Variants in POT1 observed in about 807,000 individuals in gnomAD.
POT1 encodes protection of telomeres protein 1.
In POT1, 47 loss-of-function variants were observed where a neutral mutation model predicts 78.5. That is an observed-to-expected ratio of 0.60 (90% CI 0.47 to 0.76). The LOEUF (loss-of-function observed/expected upper bound fraction) is 0.76. Ranked by LOEUF, POT1 falls within the 30% of genes least tolerant of loss-of-function variation. The pLI, the probability that POT1 is intolerant of heterozygous loss-of-function variation, is 0.00. For synonymous variants in POT1, 259 were observed against 260.7 expected (o/e 0.99, Z 0.06); for missense variants, 646 against 749.9 (o/e 0.86, Z 1.62).
At chr7:124,867,156 A>G (rs1001011873) in intron 7 of POT1, among the ~76,000 whole-genome samples, 2 of 152,166 alleles carry the variant, frequency 1.3e-5, no homozygotes, top group Non-Finnish European at 2.9e-5. Context: ...GAGATTCAAA[A>G]TATACCTTAA....
At chr7:124,902,411 T>C (rs2116658643) in intron 3 of POT1, among the ~76,000 whole-genome samples, 1 of 152,306 alleles carries the variant, frequency 6.6e-6, no homozygotes. Flanking sequence ...CAGAATTTCA[T>C]ATCCAGCCAA....
chr7:124,892,202 A>T, intron 6 of POT1, 64 bp downstream of exon 6: 1 of 992,272 alleles, frequency 1.0e-6, no homozygotes, highest in Non-Finnish European at 1.5e-6. Context: ...GTACAGATGG[A>T]ACCGTGTTCC....
chr7:124,905,956 T>C (rs1796755339), intron 3 of POT1, among the ~76,000 whole-genome samples: 1 of 152,102 alleles, frequency 6.6e-6, no homozygotes, highest in African/African-American at 2.4e-5. Flanking sequence ...TCACACCAGT[T>C]AGAATGGCAA....
intron 16 of POT1, among the ~76,000 whole-genome samples, chr7:124,828,643 CAA>C (rs1438283034): frequency 6.6e-6 from 1 of 151,752 alleles, no homozygotes; most frequent in Non-Finnish European, 1.5e-5. Flanking sequence ...ACCATAAAAA[CAA>C]AGATATTACA....
chr7:124,835,470 C>T (rs1387593654), intron 14 of POT1, 56 bp from the exon 15 acceptor site: 9 of 1,557,698 alleles, frequency 5.8e-6, no homozygotes, highest in Admixed American at 1.7e-5. Context: ...TAGACAAGTA[C>T]AGTCCTATTA....
At chr7:124,887,546 A>G (rs1796276346) in intron 6 of POT1, among the ~76,000 whole-genome samples, 1 of 152,132 alleles carries the variant, frequency 6.6e-6, no homozygotes, top group Non-Finnish European at 1.5e-5. Flanking sequence ...TTATTTTAAA[A>G]ATGGTTTTGT....
At chr7:124,870,544 T>C (rs1252179341) in intron 7 of POT1, among the ~76,000 whole-genome samples, 2 of 152,138 alleles carry the variant, frequency 1.3e-5, no homozygotes, top group Non-Finnish European at 2.9e-5. Context: ...AATCTTTGTA[T>C]ACATTTTTTC....
chr7:124,893,213 A>AT (rs1796414045), intron 5 of POT1, among the ~76,000 whole-genome samples: 1 of 151,290 alleles, frequency 6.6e-6, no homozygotes, highest in South Asian at 2.1e-4. Flanking sequence ...TTTTGGTTCT[A>AT]TTTTTTAACT....
chr7:124,913,258 A>G (rs1460500664), intron 3 of POT1, among the ~76,000 whole-genome samples: 1 of 152,176 alleles, frequency 6.6e-6, no homozygotes, highest in Non-Finnish European at 1.5e-5. Flanking sequence ...ATCAACAACC[A>G]TCAGTATTGT....
intron 14 of POT1, among the ~76,000 whole-genome samples, chr7:124,839,774 C>G (rs1017835672): frequency 6.6e-6 from 1 of 152,048 alleles, no homozygotes; most frequent in Non-Finnish European, 1.5e-5. Flanking sequence ...CTAGCCTCTT[C>G]CCCATTATCA....
At chr7:124,850,445 C>T (rs530698880) in intron 11 of POT1, among the ~76,000 whole-genome samples, 4 of 152,224 alleles carry the variant, frequency 2.6e-5, no homozygotes, top group African/African-American at 7.2e-5. Flanking sequence ...AATAATAATG[C>T]GGACGGGCGC....
rs752990979 is a variant in POT1, at chr7:124,897,193, CTT to C, written c.-22_-21del. On this transcript the variant is annotated 5_prime_UTR_variant, in exon 5 of 19. It removes the in-frame stop codon of an upstream open reading frame in the 5' UTR. Transcript: ENST00000357628. ...AGACATTGATTCTGTAGAAAAATCT[CTT>C]AAAGATTTGACATAAACCTGAAGGA... 1.4e-6 allele frequency: 2 copies of C among 1,443,426 alleles called. No homozygotes were observed. The highest frequency in any genetic ancestry group is 4.7e-5 in the East Asian group (2 of 42,392). The allele number at this position is 1,443,426 out of a possible 1,614,324, so 89.4% of individuals were successfully genotyped here. A position where few individuals can be genotyped will look rare whatever the true frequency, so the allele number is the denominator to read the frequency against.
intron 3 of POT1, among the ~76,000 whole-genome samples, chr7:124,901,037 G>A (rs541474776): frequency 6.6e-6 from 1 of 152,284 alleles, no homozygotes; most frequent in South Asian, 2.1e-4. Context: ...AGCTCAAGGA[G>A]GCCTGCCTGC....
In POT1 at chr7:124,923,448, C is replaced by T. The variant is rs568302372; in HGVS notation, c.-227+5367G>A. On this transcript the variant is annotated intron_variant, in intron 2 of 18. Coordinates refer to ENST00000357628, the MANE Select transcript of POT1 (RefSeq NM_015450.3). ...AGAATCTCAGAACCTGAAGACAGAA[C>T]GAAATTTTGAAATAATGCGGTCAGG... Among the ~76,000 whole-genome samples the T allele has an allele frequency of 1.6e-4, 25 of 151,584 alleles. 1 individual carries two copies. Among genetic ancestry groups the T allele is most frequent in the East Asian group, 7.8e-4 (4 of 5,150 alleles).
intron 3 of POT1, among the ~76,000 whole-genome samples, chr7:124,909,442 AC>A (rs1207596804): frequency 6.6e-6 from 1 of 151,880 alleles, no homozygotes; most frequent in Non-Finnish European, 1.5e-5. Context: ...ATTGGAGAAA[AC>A]TCATTCCTTT....
intron 6 of POT1, 86 bp downstream of exon 6, chr7:124,892,180 C>T (rs1796387904): frequency 1.3e-6 from 1 of 788,976 alleles, no homozygotes; most frequent in Non-Finnish European, 2.0e-6. Flanking sequence ...AGCTTCTATT[C>T]TAGGACTTAG....
chr7:124,846,890 A>C, intron 12 of POT1, 52 bp downstream of exon 12: 2 of 1,299,950 alleles, frequency 1.5e-6, no homozygotes, highest in Non-Finnish European at 2.2e-6. Context: ...GTAGAGGCAG[A>C]CTTTATTATG....
intron 2 of POT1, among the ~76,000 whole-genome samples, chr7:124,923,414 GC>G (rs2116717972): frequency 6.6e-6 from 1 of 151,864 alleles, no homozygotes; most frequent in Non-Finnish European, 1.5e-5. Context: ...ATTAGATCAA[GC>G]AAAAGAAAGA....
intron 3 of POT1, among the ~76,000 whole-genome samples, chr7:124,906,480 G>C (rs1279101127): frequency 3.9e-5 from 5 of 126,884 alleles, no homozygotes; most frequent in African/African-American, 2.9e-5. Flanking sequence ...CACACACCGG[G>C]GCTTGTCGTA....
Sources: allele counts gnomAD v4.1 joint callset (sites outside exome capture counted in the v4.1 genomes callset), GRCh38; gene constraint gnomAD v4.1.1; transcripts MANE v1.5; gene names NCBI Gene and HGNC (gene_info 2026-07-23, HGNC 2026-07-21).